HOMER2: variants seen among roughly 807,000 people sequenced by gnomAD.
HOMER2 encodes the protein homer scaffold protein 2.
In HOMER2, 27 loss-of-function variants were observed where a neutral mutation model predicts 47.0. That is an observed-to-expected ratio of 0.57 (90% CI 0.42 to 0.79). The LOEUF is 0.79. Among genes scored for constraint, HOMER2 ranks in the 30% least tolerant of loss-of-function variants. HOMER2 has a pLI of 0.00. For missense variants in HOMER2, 443 were observed against 435.0 expected (o/e 1.02, Z -0.16); for synonymous variants, 161 against 163.8 (o/e 0.98, Z 0.13).
exon 2 of HOMER2, chr15:82,841,210 G>A (rs1293977946): frequency 1.3e-5 from 2 of 152,058 alleles, no homozygotes; most frequent in Admixed American, 1.3e-4. Context: ...AATAACCACT[G>A]TTAACATTGA....
rs2052320660 is a variant in HOMER2, at chr15:82,875,520, T to G, written c.163-116A>C. The stretch of plus-strand genomic sequence containing the variant: ...TTCAAGCCTGTATCCTCTGCCCTGT[T>G]AAATTTGGTCCCGCGTTCTCCTGGA... On this transcript the variant is annotated intron_variant, in intron 2 of 8. Transcript: ENST00000450735. 2.7e-6 allele frequency: 3 copies of G among 1,107,110 alleles called. No homozygotes were observed. The Admixed American group carries it at 7.1e-5, about 26-fold the overall frequency. 68.6% of individuals were successfully genotyped at this position (1,107,110 alleles called of 1,614,324 possible).
chr15:82,942,408 C>T (rs1445877965), intron 1 of HOMER2, among the ~76,000 whole-genome samples: 1 of 152,200 alleles, frequency 6.6e-6, no homozygotes, highest in Non-Finnish European at 1.5e-5. Flanking sequence ...AGTCCAGAGA[C>T]ATACAGGGAC....
At chr15:82,901,465 C>G (rs559522879) in intron 1 of HOMER2, among the ~76,000 whole-genome samples, 8 of 152,178 alleles carry the variant, frequency 5.3e-5, no homozygotes, top group South Asian at 2.1e-4. Flanking sequence ...AACAGCACCC[C>G]TGAACCCCTG....
At chr15:82,853,366 G>A (rs2051461101) in intron 6 of HOMER2, among the ~76,000 whole-genome samples, 1 of 152,240 alleles carries the variant, frequency 6.6e-6, no homozygotes, top group Admixed American at 6.5e-5. Flanking sequence ...AGGCAGATCT[G>A]CCAGGCCTCG....
intron 1 of HOMER2, among the ~76,000 whole-genome samples, chr15:82,934,642 A>G (rs542394364): frequency 5.3e-5 from 8 of 151,986 alleles, no homozygotes; most frequent in Non-Finnish European, 8.8e-5. Context: ...ATGGTTACCA[A>G]TCCCCGGTGG....
At chr15:82,934,873 T>C (rs2054106575) in intron 1 of HOMER2, among the ~76,000 whole-genome samples, 1 of 152,212 alleles carries the variant, frequency 6.6e-6, no homozygotes, top group Admixed American at 6.5e-5. Context: ...TCACATCACC[T>C]TCTCCTCCAG....
At chr15:82,927,305 T>G (rs972938330) in intron 1 of HOMER2, among the ~76,000 whole-genome samples, 1 of 150,998 alleles carries the variant, frequency 6.6e-6, no homozygotes, top group South Asian at 2.1e-4. Flanking sequence ...CAAGAATTCT[T>G]GTCTGTCTGG....
At chr15:82,929,887 C>T (rs1223856384) in intron 1 of HOMER2, among the ~76,000 whole-genome samples, 11 of 151,876 alleles carry the variant, frequency 7.2e-5, no homozygotes, top group Middle Eastern at 3.4e-3. Flanking sequence ...TGTGCCACCA[C>T]GCCTGGCTAA....
At chr15:82,895,399 A>G (rs1596330543) in intron 1 of HOMER2, among the ~76,000 whole-genome samples, 1 of 152,234 alleles carries the variant, frequency 6.6e-6, no homozygotes, top group Admixed American at 6.5e-5. Flanking sequence ...GAGTGTGTGC[A>G]TATCAGTGCA....
chr15:82,919,908 TA>T (rs1264147186), intron 1 of HOMER2, among the ~76,000 whole-genome samples: 3 of 152,218 alleles, frequency 2.0e-5, no homozygotes, highest in Admixed American at 6.5e-5. Context: ...ATGCTTGTGA[TA>T]ATTTTTAATT....
chr15:82,978,805 C>G (rs540486821), intron 1 of HOMER2, among the ~76,000 whole-genome samples: 46 of 152,340 alleles, frequency 3.0e-4, no homozygotes, highest in Admixed American at 7.2e-4. Context: ...ACTGCAACCT[C>G]TGCCTCCTGG....
At chr15:82,845,922 C>T (rs1341020023), downstream of HOMER2, 1 of 152,258 alleles carries the variant, frequency 6.6e-6, no homozygotes, top group African/African-American at 2.4e-5. Flanking sequence ...ACGCTCCACC[C>T]TTTACTTGAT....
intron 1 of HOMER2, among the ~76,000 whole-genome samples, chr15:82,906,148 A>G (rs2053279958): frequency 6.6e-6 from 1 of 152,000 alleles, no homozygotes; most frequent in Non-Finnish European, 1.5e-5. Context: ...TGCAAACTCT[A>G]TGGCAGCCAG....
chr15:82,918,534 C>G (rs908710047), intron 1 of HOMER2, among the ~76,000 whole-genome samples: 4 of 152,092 alleles, frequency 2.6e-5, no homozygotes, highest in African/African-American at 9.7e-5. Flanking sequence ...TCCCTTAGTT[C>G]TTCTCCATGG....
intron 3 of HOMER2, among the ~76,000 whole-genome samples, chr15:82,866,526 G>A (rs577907352): frequency 1.6e-4 from 24 of 152,286 alleles, no homozygotes; most frequent in Middle Eastern, 3.4e-3. Context: ...GAAATGTGAT[G>A]ACATGAGATT....
At chr15:82,840,502 C>G (rs1402182064) in exon 2 of HOMER2, 1 of 152,168 alleles carries the variant, frequency 6.6e-6, no homozygotes, top group Non-Finnish European at 1.5e-5. Flanking sequence ...GGGTCTTGCT[C>G]TGTGTCCCAG....
chr15:82,871,386 G>A (rs2052171530), intron 3 of HOMER2, among the ~76,000 whole-genome samples: 1 of 152,224 alleles, frequency 6.6e-6, no homozygotes, highest in Non-Finnish European at 1.5e-5. Flanking sequence ...CTACAGGGCT[G>A]TGGGTGGTTG....
At chr15:82,970,578 G>C (rs1284344375) in intron 1 of HOMER2, among the ~76,000 whole-genome samples, 1 of 152,230 alleles carries the variant, frequency 6.6e-6, no homozygotes, top group East Asian at 1.9e-4. Context: ...AGGATGGGCA[G>C]TGGAGACTCT....
chr15:82,934,255 C>T (rs549824941), intron 1 of HOMER2, among the ~76,000 whole-genome samples: 37 of 152,254 alleles, frequency 2.4e-4, no homozygotes, highest in African/African-American at 8.4e-4. Context: ...CCTGCCTCCA[C>T]GTTACTTTCT....
Sources: allele counts gnomAD v4.1 joint callset (sites outside exome capture counted in the v4.1 genomes callset), GRCh38; gene constraint gnomAD v4.1.1; transcripts MANE v1.5; gene names NCBI Gene and HGNC (gene_info 2026-07-23, HGNC 2026-07-21).